The following SRGAP2B variants were observed in gnomAD, a reference collection of about 807,000 sequenced individuals.
The protein encoded by SRGAP2B is SLIT-ROBO Rho GTPase activating protein 2B.
SRGAP2B carries 9 observed loss-of-function variants against 22.2 expected under a neutral mutation model. That is an observed-to-expected ratio of 0.41 (90% CI 0.24 to 0.71). The LOEUF (loss-of-function observed/expected upper bound fraction) is 0.71, where lower values mean the gene tolerates loss of function less well. Among genes scored for constraint, SRGAP2B ranks in the 30% least tolerant of loss-of-function variants. The probability of loss-of-function intolerance (pLI) is 0.35; values close to 1 mark genes in which losing one functional copy is unlikely to be tolerated. For missense variants in SRGAP2B, 114 were observed against 235.8 expected (o/e 0.48, Z 3.38); for synonymous variants, 36 against 87.4 (o/e 0.41, Z 3.28).
At chr1:144,970,984 C>T (rs587681815) in intron 3 of SRGAP2B, among the ~76,000 whole-genome samples, 1 of 150,284 alleles carries the variant, frequency 6.7e-6, no homozygotes, top group Non-Finnish European at 1.5e-5. Context: ...ACTATCATTA[C>T]TCAACAGCCC....
At chr1:145,024,975 C>T (rs1571038102) in intron 2 of SRGAP2B, among the ~76,000 whole-genome samples, 2 of 149,374 alleles carry the variant, frequency 1.3e-5, no homozygotes, top group East Asian at 2.0e-4. Context: ...ATCATAAAAA[C>T]AACTTCAACC....
In SRGAP2B at chr1:144,965,341, C is replaced by T. The variant is rs1438068401; in HGVS notation, c.261-9740G>A. ...AAGTGGGTCCCTGACCCCTGACCCC[C>T]GAGCAGCCTAACTGGGAGGCACCCC... On this transcript the variant is annotated intron_variant, in intron 3 of 9. Transcript: ENST00000612199. Among the ~76,000 whole-genome samples, 212 of 140,130 alleles carry T rather than the reference C, an allele frequency of 1.5e-3. 4 individuals carry two copies. The highest frequency in any genetic ancestry group is 3.6e-3 in the Middle Eastern group (1 of 278). The allele number at this position is 140,130 out of a possible 152,430, so 91.9% of individuals were successfully genotyped here. A position where few individuals can be genotyped will look rare whatever the true frequency, so the allele number is the denominator to read the frequency against.
intron 1 of SRGAP2B, among the ~76,000 whole-genome samples, chr1:145,093,968 A>G (rs1553636598): frequency 6.7e-6 from 1 of 149,266 alleles, no homozygotes; most frequent in Non-Finnish European, 1.5e-5. Context: ...GGGCGGGGCA[A>G]ATCTGCAGGA....
intron 2 of SRGAP2B, among the ~76,000 whole-genome samples, chr1:145,041,107 A>ATG (rs1649205437): frequency 9.4e-6 from 1 of 106,106 alleles, no homozygotes; most frequent in Non-Finnish European, 1.9e-5. Context: ...ATATATATAT[A>ATG]GTCTGCTTTC....
chr1:144,924,731 C>CAAAA (rs1156257790), intron 4 of SRGAP2B, among the ~76,000 whole-genome samples: 3 of 58,172 alleles, frequency 5.2e-5, no homozygotes, highest in African/African-American at 7.5e-5. Context: ...AACTCCGTCT[C>CAAAA]AAAAAAAAAA....
chr1:144,994,567 TGAGAGAGAGAGAGA>T lies in SRGAP2B; in HGVS notation c.260+427_260+440del, dbSNP rs56165682. On this transcript the variant is annotated intron_variant, in intron 3 of 9. Coordinates refer to ENST00000612199, the Ensembl canonical transcript of SRGAP2B. ...GTGAGTGTGAGTGTGTGTGTGTGTG[TGAGAGAGAGAGAGA>T]GAGAGAGAGAGAGAGAGAGAGAGAG... Among the ~76,000 whole-genome samples the T allele has an allele frequency of 2.9e-3, 356 of 122,452 alleles. 3 individuals are homozygous for T. The highest frequency in any genetic ancestry group is 0.019 in the South Asian group (68 of 3,614). The allele number at this position is 122,452 out of a possible 152,430, so 80.3% of individuals were successfully genotyped here.
chr1:144,985,726 G>A (rs1334738382), intron 3 of SRGAP2B, among the ~76,000 whole-genome samples: 2 of 149,712 alleles, frequency 1.3e-5, no homozygotes, highest in Admixed American at 6.6e-5. Flanking sequence ...CAGGCTGACA[G>A]AATTTCAGAC....
At chr1:145,016,850 T>G (rs1356097188) in intron 2 of SRGAP2B, among the ~76,000 whole-genome samples, 31 of 151,056 alleles carry the variant, frequency 2.1e-4, no homozygotes, top group African/African-American at 4.4e-4. Context: ...AAGTTTTTTT[T>G]TTTTTGTTTT....
Position 144,983,331 on chromosome 1 carries a change from A to G in SRGAP2B, c.260+11677T>C, listed in dbSNP as rs879971883. Among the ~76,000 whole-genome samples, 3 of 92,956 alleles carry G rather than the reference A, an allele frequency of 3.2e-5. No individual in the cohort carries two copies. The Admixed American group carries it at 3.4e-4, about 11-fold the overall frequency. The allele number at this position is 92,956 out of a possible 152,430, so 61.0% of individuals were successfully genotyped here. On this transcript the variant is annotated intron_variant, in intron 3 of 9. Coordinates refer to ENST00000612199, the Ensembl canonical transcript of SRGAP2B. ...AACTCCAGGGGAGGAACCCATCCGCAGTAGTGATGTAACTACAGAGATGGC... is the reference window on the plus strand; with the variant it reads ...AACTCCAGGGGAGGAACCCATCCGCGGTAGTGATGTAACTACAGAGATGGC...
chr1:145,086,645 G>A (rs1269188726), intron 2 of SRGAP2B, among the ~76,000 whole-genome samples: 2 of 44,824 alleles, frequency 4.5e-5, no homozygotes, highest in Non-Finnish European at 8.5e-5. Context: ...TCAAGCCACT[G>A]CAATCCAGCC....
intron 2 of SRGAP2B, among the ~76,000 whole-genome samples, chr1:145,061,787 G>A (rs1420861225): frequency 5.8e-5 from 8 of 137,052 alleles, no homozygotes; most frequent in Admixed American, 5.8e-4. Flanking sequence ...TAGAGACGGG[G>A]TTTCACCATG....
Position 144,928,809 on chromosome 1 carries a change from C to CT in SRGAP2B, c.424-14056dup, listed in dbSNP as rs1181804763. On this transcript the variant is annotated intron_variant, in intron 4 of 9. Transcript: ENST00000612199. ...TGTGTGAGCATATGTTTTCAATTCTCTTGGGTATACACCTAGATGTGGAAT... is the reference window on the plus strand; with the variant it reads ...TGTGTGAGCATATGTTTTCAATTCTCTTTGGGTATACACCTAGATGTGGAAT... Among the ~76,000 whole-genome samples, 29 of 140,770 alleles carry CT rather than the reference C, an allele frequency of 2.1e-4. 1 individual carries two copies. Among genetic ancestry groups the CT allele is most frequent in the African/African-American group, 6.6e-4 (24 of 36,114 alleles). The allele number at this position is 140,770 out of a possible 152,430, so 92.4% of individuals were successfully genotyped here.
chr1:145,026,351 G>A (rs587767819), intron 2 of SRGAP2B, among the ~76,000 whole-genome samples: 32 of 33,864 alleles, frequency 9.4e-4, no homozygotes, highest in African/African-American at 2.1e-3. Flanking sequence ...CCTGGGTGAC[G>A]GAGCGAGACT....
chr1:144,925,119 C>G (rs1664565546), intron 4 of SRGAP2B, among the ~76,000 whole-genome samples: 1 of 149,410 alleles, frequency 6.7e-6, no homozygotes, highest in Admixed American at 6.6e-5. Flanking sequence ...TCCCCTGCCT[C>G]AGCCTCCCAA....
At chr1:144,929,964 C>T (rs1665052411) in intron 4 of SRGAP2B, among the ~76,000 whole-genome samples, 1 of 149,100 alleles carries the variant, frequency 6.7e-6, no homozygotes, top group South Asian at 2.1e-4. Flanking sequence ...GTCCTGCTAG[C>T]CCTACAAGTC....
chr1:144,964,965 C>G, intron 3 of SRGAP2B: 1 of 1,396,668 alleles, frequency 7.2e-7, no homozygotes. Context: ...CACAGAGCCG[C>G]GCCGCCTGCA....
At chr1:144,914,319 C>T (rs1377039179) in intron 5 of SRGAP2B, among the ~76,000 whole-genome samples, 17 of 151,066 alleles carry the variant, frequency 1.1e-4, no homozygotes, top group Middle Eastern at 3.4e-3. Context: ...AAAGCCTTTC[C>T]GACAGGCACA....
rs1558791385 is a variant in SRGAP2B, at chr1:144,971,162, CT to C, written c.261-15562del. ...TTTTTTTTTTTGAGACGGAGTTTCA[CT>C]CTTGTTGTCCAGGCTAGAGTGCAAT... On this transcript the variant is annotated intron_variant, in intron 3 of 9. Coordinates refer to ENST00000612199, the Ensembl canonical transcript of SRGAP2B. Among the ~76,000 whole-genome samples, 20 of 147,548 alleles carry C rather than the reference CT, an allele frequency of 1.4e-4. No individual in the cohort carries two copies. The South Asian group carries it at 4.3e-3, about 31-fold the overall frequency.
chr1:144,933,365 C>A (rs1467077661), intron 4 of SRGAP2B, among the ~76,000 whole-genome samples: 2 of 150,114 alleles, frequency 1.3e-5, no homozygotes, highest in Non-Finnish European at 2.9e-5. Flanking sequence ...TGTTTCATGA[C>A]CCACAAGGGC....
Sources: gnomAD v4.1 joint callset for allele counts (sites outside exome capture counted in the v4.1 genomes callset) on GRCh38, gnomAD v4.1.1 for gene constraint, MANE v1.5 for transcripts, NCBI Gene and HGNC (gene_info 2026-07-23, HGNC 2026-07-21) for gene names.